The following SLC12A7 variants were observed in gnomAD, a reference collection of about 807,000 sequenced individuals.
SLC12A7 encodes the protein solute carrier family 12 member 7.
A neutral mutation model predicts 120.6 loss-of-function variants in SLC12A7; 100 were observed. The observed-to-expected ratio is 0.83, with a 90% confidence interval of 0.71 to 0.98. The LOEUF is 0.98. Among genes scored for constraint, SLC12A7 ranks in the 50% least tolerant of loss-of-function variants. The pLI, the probability that SLC12A7 is intolerant of heterozygous loss-of-function variation, is 0.00. For synonymous variants in SLC12A7, 760 were observed against 678.0 expected, an observed-to-expected ratio of 1.12 and a Z score of -1.88; for missense variants, 1,373 against 1,548.1, an observed-to-expected ratio of 0.89 and a Z score of 1.90.
At chr5:1,112,957 C>G (rs1339238324), upstream of SLC12A7, among the ~76,000 whole-genome samples, 1 of 151,492 alleles carries the variant, frequency 6.6e-6, no homozygotes, top group African/African-American at 2.4e-5. Flanking sequence ...GGCCCCTGCC[C>G]TAGAACCCTC....
At chr5:1,064,042 T>C in intron 19 of SLC12A7, 41 bp downstream of exon 19, 2 of 1,600,694 alleles carry the variant, frequency 1.2e-6, no homozygotes, top group Non-Finnish European at 1.7e-6. Context: ...GCACGTGGGG[T>C]GGCCGTGCTC....
chr5:1,061,063 ACCCGCCGCACCTG>A (rs1561034828), intron 20 of SLC12A7, among the ~76,000 whole-genome samples: 9 of 99,904 alleles, frequency 9.0e-5, no homozygotes, highest in African/African-American at 3.7e-4. Flanking sequence ...CACCCGCCGC[ACCCGCCGCACCTG>A]CCGCATCCGC....
chr5:1,139,919 C>T, the SLC12A7 span, among the ~76,000 whole-genome samples: 1 of 152,346 alleles, frequency 6.6e-6, no homozygotes, highest in Admixed American at 6.5e-5. Flanking sequence ...ATGCATGGGC[C>T]TCAGGGCTCT....
chr5:1,056,486 C>T, intron 22 of SLC12A7: 9 of 604,384 alleles, frequency 1.5e-5, no homozygotes, highest in Non-Finnish European at 1.9e-5. Flanking sequence ...AGGCACAGGC[C>T]TAGAACACGC....
chr5:1,124,453 C>T, the SLC12A7 span, among the ~76,000 whole-genome samples: 3 of 152,176 alleles, frequency 2.0e-5, no homozygotes, highest in African/African-American at 4.8e-5. Flanking sequence ...TCGACCTCTG[C>T]GCCAGCAAAC....
intron 9 of SLC12A7, among the ~76,000 whole-genome samples, chr5:1,080,762 G>T (rs911507034): frequency 2.0e-5 from 3 of 152,162 alleles, no homozygotes; most frequent in African/African-American, 7.2e-5. Context: ...ACAGAGGGCC[G>T]AGGTCCCCGG....
chr5:1,145,076 A>G, the SLC12A7 span, among the ~76,000 whole-genome samples: 2 of 152,236 alleles, frequency 1.3e-5, no homozygotes, highest in Admixed American at 1.3e-4. The surrounding 1 kb of genome is among the most constrained non-coding windows in gnomAD (Gnocchi z 4.4). Flanking sequence ...GGAGGGCTGG[A>G]GAGAGCCTGC....
At chr5:1,149,931 G>A in the SLC12A7 span, among the ~76,000 whole-genome samples, 9 of 152,194 alleles carry the variant, frequency 5.9e-5, no homozygotes, top group Non-Finnish European at 1.0e-4. Context: ...TCGGGAGGCT[G>A]AGGCAGGAGA....
upstream of SLC12A7, among the ~76,000 whole-genome samples, chr5:1,114,313 G>A (rs993338295): frequency 6.6e-6 from 1 of 152,118 alleles, no homozygotes; most frequent in African/African-American, 2.4e-5. Context: ...CGGGTGGGGG[G>A]TGAGGTCTGC....
intron 13 of SLC12A7, 46 bp from the exon 14 acceptor site, chr5:1,076,282 G>T: frequency 6.6e-7 from 1 of 1,504,210 alleles, no homozygotes; most frequent in Non-Finnish European, 9.0e-7. Context: ...GGGCCCCCCT[G>T]AGCCCCCAGT....
chr5:1,140,091 C>T, the SLC12A7 span, among the ~76,000 whole-genome samples: 1 of 152,240 alleles, frequency 6.6e-6, no homozygotes, highest in African/African-American at 2.4e-5. Flanking sequence ...GGCACCACCG[C>T]CTTGGCCTCA....
the SLC12A7 span, among the ~76,000 whole-genome samples, chr5:1,154,667 C>T: frequency 2.6e-5 from 4 of 152,190 alleles, no homozygotes; most frequent in African/African-American, 7.2e-5. Context: ...AGGCTGCCCT[C>T]GCTGTGGACT....
chr5:1,057,854 G>A (rs979503574), intron 21 of SLC12A7, among the ~76,000 whole-genome samples: 2 of 152,062 alleles, frequency 1.3e-5, no homozygotes, highest in African/African-American at 2.4e-5. Flanking sequence ...CCGACCAAAC[G>A]CTCACCCCCT....
At chr5:1,053,035 ATGCACAGC>A (rs1242129470) in intron 23 of SLC12A7, among the ~76,000 whole-genome samples, 2 of 152,208 alleles carry the variant, frequency 1.3e-5, no homozygotes, top group Non-Finnish European at 2.9e-5. Flanking sequence ...AGGTCCCAGA[ATGCACAGC>A]TGCTGTGGGG....
intron 12 of SLC12A7, among the ~76,000 whole-genome samples, chr5:1,077,058 G>GCCCCCC (rs58129045): frequency 6.8e-6 from 1 of 147,040 alleles, no homozygotes; most frequent in African/African-American, 2.5e-5. Flanking sequence ...GCCCCAGCCT[G>GCCCCCC]CCCCCCCGCC....
At chr5:1,101,027 G>A (rs1342571514) in intron 1 of SLC12A7, among the ~76,000 whole-genome samples, 3 of 152,136 alleles carry the variant, frequency 2.0e-5, no homozygotes, top group Non-Finnish European at 4.4e-5. Context: ...AGCTGTGTGC[G>A]CTGCCCTCCT....
intron 20 of SLC12A7, among the ~76,000 whole-genome samples, chr5:1,062,640 A>G (rs1052471922): frequency 2.0e-5 from 3 of 150,502 alleles, no homozygotes; most frequent in Admixed American, 6.6e-5. Flanking sequence ...ACAAACCAGG[A>G]GCAGGTGCTC....
Position 1,075,503 on chromosome 5 carries a change from C to T in SLC12A7, c.1848-13G>A. The T allele has an allele frequency of 6.2e-7, 1 of 1,606,684 alleles. No homozygotes were observed. The highest frequency in any genetic ancestry group is 8.5e-7 in the Non-Finnish European group (1 of 1,175,486). On this transcript the variant is annotated splice_polypyrimidine_tract_variant and intron_variant, in intron 14 of 23. Transcript: ENST00000264930. Reference sequence around the variant, plus strand: ...AAAGGACAGGGTCCTGGGGGCGGGGCAAGTGGCTCGGGGCGGCCCAACGCC... The same window carrying T: ...AAAGGACAGGGTCCTGGGGGCGGGGTAAGTGGCTCGGGGCGGCCCAACGCC...
chr5:1,114,079 C>G (rs533440836), upstream of SLC12A7, among the ~76,000 whole-genome samples: 15 of 152,374 alleles, frequency 9.8e-5, no homozygotes, highest in African/African-American at 3.6e-4. Context: ...CCAGGGCCAG[C>G]TCCCGGACTC....
Sources: gnomAD v4.1 joint callset for allele counts (sites outside exome capture counted in the v4.1 genomes callset) on GRCh38, gnomAD v4.1.1 for gene constraint, Gnocchi (gnomAD v3.1) non-coding constraint, MANE v1.5 for transcripts, NCBI Gene and HGNC (gene_info 2026-07-23, HGNC 2026-07-21) for gene names.